Variants in RGS7 observed in about 807,000 individuals in gnomAD.
RGS7 encodes the protein regulator of G protein signaling 7, also known as regulator of G-protein signaling 7.
In RGS7, 27 loss-of-function variants were observed where a neutral mutation model predicts 81.1. That is an observed-to-expected ratio of 0.33 (90% CI 0.25 to 0.46). The LOEUF is 0.46. RGS7 is among the 20% of genes least tolerant of loss of function. The probability of loss-of-function intolerance (pLI) is 1.00; values close to 1 mark genes in which losing one functional copy is unlikely to be tolerated. For synonymous variants in RGS7, 208 were observed against 207.7 expected (o/e 1.00, Z -0.01); for missense variants, 396 against 607.4 (o/e 0.65, Z 3.66).
At chr1:240,813,980 C>T (rs1443911431) in intron 12 of RGS7, among the ~76,000 whole-genome samples, 1 of 152,168 alleles carries the variant, frequency 6.6e-6, no homozygotes, top group Admixed American at 6.6e-5. Flanking sequence ...CCTTGGTTAA[C>T]ATGAAGCACT....
chr1:241,055,088 T>C (rs2061415469), intron 3 of RGS7, among the ~76,000 whole-genome samples: 1 of 152,224 alleles, frequency 6.6e-6, no homozygotes, highest in South Asian at 2.1e-4. Context: ...AAGTATTTTG[T>C]GATGCTTTTT....
intron 6 of RGS7, among the ~76,000 whole-genome samples, chr1:240,899,039 G>A (rs980270406): frequency 2.6e-5 from 4 of 152,066 alleles, no homozygotes; most frequent in African/African-American, 9.7e-5. Flanking sequence ...ATTATGTAAT[G>A]GCCTTCTTTG....
At chr1:241,113,246 A>C (rs1425348154) in intron 2 of RGS7, among the ~76,000 whole-genome samples, 1 of 152,216 alleles carries the variant, frequency 6.6e-6, no homozygotes, top group Non-Finnish European at 1.5e-5. Context: ...GAAATGAATA[A>C]AAAATAAAAA....
At chr1:241,196,834 A>T (rs1010225156) in intron 2 of RGS7, among the ~76,000 whole-genome samples, 1 of 152,008 alleles carries the variant, frequency 6.6e-6, no homozygotes, top group African/African-American at 2.4e-5. Context: ...TGGTGTTGGT[A>T]AAAATAGTAA....
intron 3 of RGS7, among the ~76,000 whole-genome samples, chr1:241,055,162 C>T (rs1214776004): frequency 1.3e-5 from 2 of 152,198 alleles, no homozygotes; most frequent in Admixed American, 6.5e-5. Flanking sequence ...GGACTACTGA[C>T]ACCAGATTCT....
At chr1:241,003,404 T>C (rs1463724511) in intron 3 of RGS7, among the ~76,000 whole-genome samples, 1 of 139,094 alleles carries the variant, frequency 7.2e-6, no homozygotes, top group Non-Finnish European at 1.5e-5. Flanking sequence ...GAGCTTGCAG[T>C]GAACCGAGAT....
intron 2 of RGS7, among the ~76,000 whole-genome samples, chr1:241,168,435 C>G: frequency 6.6e-6 from 1 of 152,188 alleles, no homozygotes; most frequent in African/African-American, 2.4e-5. Context: ...ATATGCATGG[C>G]AGATACTCAC....
chr1:240,797,087 C>T (rs1687196376), intron 18 of RGS7, among the ~76,000 whole-genome samples: 1 of 152,286 alleles, frequency 6.6e-6, no homozygotes, highest in African/African-American at 2.4e-5. Flanking sequence ...AAAGACAAAA[C>T]CAGTGTGTTA....
intron 2 of RGS7, among the ~76,000 whole-genome samples, chr1:241,296,557 T>C (rs1411003624): frequency 6.6e-6 from 1 of 152,230 alleles, no homozygotes; most frequent in Non-Finnish European, 1.5e-5. Context: ...GAGTCCAATA[T>C]CCTAAGTGTC....
Position 240,805,010 on chromosome 1 carries a change from TAATA to T in RGS7, c.1269+1126_1269+1129del, listed in dbSNP as rs1688614061. Among the ~76,000 whole-genome samples the T allele has an allele frequency of 2.0e-5, 3 of 152,328 alleles. No homozygotes were observed. The South Asian group carries it at 6.2e-4, about 32-fold the overall frequency. ...TTTTTTAAAAGGTACTTTTTAGAATTAATATTCTTCTCCAAAAGAAGTTTAAGAA... is the reference window on the plus strand; with the variant it reads ...TTTTTTAAAAGGTACTTTTTAGAATTTTCTTCTCCAAAAGAAGTTTAAGAA... On this transcript the variant is annotated intron_variant, in intron 15 of 18. Coordinates refer to ENST00000440928, the MANE Select transcript of RGS7 (RefSeq NM_001364886.1).
At chr1:241,194,595 T>TTAA (rs2072929434) in intron 2 of RGS7, among the ~76,000 whole-genome samples, 2 of 152,212 alleles carry the variant, frequency 1.3e-5, no homozygotes, top group African/African-American at 4.8e-5. Context: ...GCAAGGCTTT[T>TTAA]GTTCTTTAAA....
chr1:241,161,358 G>C (rs145454027), intron 2 of RGS7, among the ~76,000 whole-genome samples: 1 of 151,870 alleles, frequency 6.6e-6, no homozygotes, highest in African/African-American at 2.4e-5. Context: ...GTTTTTAAGA[G>C]ATAATTAAAA....
Position 241,144,926 on chromosome 1 carries a change from G to GGTGTGTGTGTGTGTGTGTGTGTGT in RGS7, c.79-46188_79-46165dup, listed in dbSNP as rs58610723. On this transcript the variant is annotated intron_variant, in intron 2 of 18. Transcript: ENST00000440928. This position sits in a 1 kb window ranked among gnomAD's most constrained non-coding sequence, Gnocchi z 4.7. Reference sequence around the variant, plus strand: ...TCAGTATGTGTTGGCAGGGCAGGATGGTGTGTGTGTGTGTGTGTGTGTGTG... The same window carrying GGTGTGTGTGTGTGTGTGTGTGTGT: ...TCAGTATGTGTTGGCAGGGCAGGATGGTGTGTGTGTGTGTGTGTGTGTGTGTGTGTGTGTGTGTGTGTGTGTGTG... 3.7e-3 allele frequency among the ~76,000 whole-genome samples: 525 copies of GGTGTGTGTGTGTGTGTGTGTGTGT among 141,912 alleles called. 7 individuals carry two copies. The highest frequency in any genetic ancestry group is 0.013 in the African/African-American group (492 of 37,362). The allele number at this position is 141,912 out of a possible 152,430, so 93.1% of individuals were successfully genotyped here.
At chr1:240,969,767 T>C (rs1384154773) in intron 4 of RGS7, among the ~76,000 whole-genome samples, 3 of 152,234 alleles carry the variant, frequency 2.0e-5, no homozygotes, top group Non-Finnish European at 4.4e-5. Flanking sequence ...TGTGTTGGCA[T>C]GATGCCGACA....
rs140687557 is a variant in RGS7 at position 241,355,404 on chromosome 1, G to A, written c.78+295C>T. Reference sequence around the variant, plus strand: ...ATTATTACGGATGCTACTAAATCATGTGTATAACAACCAAAATATCTGGAA... The same window carrying A: ...ATTATTACGGATGCTACTAAATCATATGTATAACAACCAAAATATCTGGAA... On this transcript the variant is annotated intron_variant, in intron 2 of 18. Transcript: ENST00000440928. Among the ~76,000 whole-genome samples the A allele has an allele frequency of 7.4e-3, 1,121 of 152,330 alleles. 7 individuals carry two copies. Among genetic ancestry groups the A allele is most frequent in the Middle Eastern group, 0.02 (6 of 294 alleles).
intron 2 of RGS7, among the ~76,000 whole-genome samples, chr1:241,190,056 T>C (rs1378764844): frequency 6.6e-6 from 1 of 151,966 alleles, no homozygotes; most frequent in Non-Finnish European, 1.5e-5. Context: ...TGAGCCGAGA[T>C]GGCGCCACTG....
chr1:240,992,872 G>A (rs1273805546), intron 3 of RGS7, among the ~76,000 whole-genome samples: 10 of 147,898 alleles, frequency 6.8e-5, no homozygotes, highest in South Asian at 6.4e-4. Flanking sequence ...AATATTAGCC[G>A]GGCATGGTGG....
At chr1:240,882,210 C>A (rs1017301747) in intron 6 of RGS7, among the ~76,000 whole-genome samples, 7 of 152,150 alleles carry the variant, frequency 4.6e-5, no homozygotes, top group Admixed American at 2.6e-4. Flanking sequence ...CCACCGTGCC[C>A]GGCCTGTGCA....
At chr1:240,861,571 T>C (rs1245939068) in intron 9 of RGS7, among the ~76,000 whole-genome samples, 1 of 152,180 alleles carries the variant, frequency 6.6e-6, no homozygotes, top group African/African-American at 2.4e-5. Flanking sequence ...GCTTTTATAT[T>C]GATATTTTAT....
Sources: allele counts gnomAD v4.1 joint callset (sites outside exome capture counted in the v4.1 genomes callset), GRCh38; gene constraint gnomAD v4.1.1; non-coding constraint Gnocchi (gnomAD v3.1); transcripts MANE v1.5; gene names NCBI Gene and HGNC (gene_info 2026-07-23, HGNC 2026-07-21).